Variants in SUSD1 observed in about 807,000 individuals in gnomAD.
SUSD1 encodes sushi domain-containing protein 1.
In SUSD1, 65 loss-of-function variants were observed where a neutral mutation model predicts 86.9. That is an observed-to-expected ratio of 0.75 (90% CI 0.61 to 0.92). SUSD1 has a LOEUF of 0.92. SUSD1 is among the 40% of genes least tolerant of loss of function. The probability of loss-of-function intolerance (pLI) is 0.00; values close to 1 mark genes in which losing one functional copy is unlikely to be tolerated. For missense variants in SUSD1, 850 were observed against 929.7 expected (o/e 0.91, Z 1.11); for synonymous variants, 346 against 350.0 (o/e 0.99, Z 0.13).
chr9:112,165,044 T>C (rs1348956990), intron 1 of SUSD1, among the ~76,000 whole-genome samples: 1 of 152,266 alleles, frequency 6.6e-6, no homozygotes, highest in Admixed American at 6.5e-5. Flanking sequence ...GGAGGAGCCC[T>C]ATATTTTGGA....
At chr9:112,129,687 T>C (rs1160679821) in intron 5 of SUSD1, among the ~76,000 whole-genome samples, 1 of 152,230 alleles carries the variant, frequency 6.6e-6, no homozygotes, top group Non-Finnish European at 1.5e-5. Flanking sequence ...AGATTTAGTG[T>C]CTTTTTATGA....
intron 12 of SUSD1, 25 bp from the exon 13 acceptor site, chr9:112,063,058 A>G: frequency 6.9e-7 from 1 of 1,458,754 alleles, no homozygotes; most frequent in Middle Eastern, 1.7e-4. Context: ...AAAAGAAGAA[A>G]AGGGGTATGA....
At chr9:112,056,241 T>C (rs1371135456) in intron 14 of SUSD1, among the ~76,000 whole-genome samples, 3 of 151,620 alleles carry the variant, frequency 2.0e-5, no homozygotes, top group Non-Finnish European at 4.4e-5. Context: ...CACTCCAGCC[T>C]GGGCAACAGA....
At chr9:112,152,751 C>CTTTTTTTTTTTTTTTTTTTTTTTTTT (rs71382410) in intron 2 of SUSD1, among the ~76,000 whole-genome samples, 1 of 87,478 alleles carries the variant, frequency 1.1e-5, no homozygotes, top group Non-Finnish European at 2.1e-5. Context: ...TTTTTTTAAT[C>CTTTTTTTTTTTTTTTTTTTTTTTTTT]TTTTTTTTTT....
chr9:112,061,618 A>G (rs1828729322), intron 13 of SUSD1, among the ~76,000 whole-genome samples: 1 of 152,206 alleles, frequency 6.6e-6, no homozygotes, highest in African/African-American at 2.4e-5. Flanking sequence ...TCTCTTTATA[A>G]TGACAGAATT....
intron 14 of SUSD1, among the ~76,000 whole-genome samples, chr9:112,058,171 T>A (rs970913274): frequency 6.8e-6 from 1 of 147,986 alleles, no homozygotes; most frequent in Non-Finnish European, 1.5e-5. Context: ...AATGAGGGCA[T>A]CTGTAAAGCT....
intron 8 of SUSD1, among the ~76,000 whole-genome samples, chr9:112,107,254 C>CAAAAAAAAAAAAAAAAAA (rs71382407): frequency 4.1e-4 from 27 of 66,012 alleles, no homozygotes; most frequent in African/African-American, 5.8e-4. Flanking sequence ...GACCATATCT[C>CAAAAAAAAAAAAAAAAAA]AAAAAAAAAA....
rs771459525 is a variant in SUSD1, at chr9:112,143,631, C to A, written c.374-8G>T. ...CTTCACACTCATCTATGTCTTGGGA[C>A]CCAATCCAAATAGAGAAAAGGAGAT... On this transcript the variant is annotated splice_polypyrimidine_tract_variant and splice_region_variant and intron_variant, in intron 3 of 16. Coordinates refer to ENST00000374270, the MANE Select transcript of SUSD1 (RefSeq NM_022486.5). The A allele has an allele frequency of 1.6e-5, 26 of 1,598,272 alleles. No individual in the cohort carries two copies. The highest frequency in any genetic ancestry group is 2.0e-5 in the Non-Finnish European group (24 of 1,174,094).
intron 9 of SUSD1, 47 bp downstream of exon 9, chr9:112,102,129 T>A: frequency 8.4e-7 from 1 of 1,185,696 alleles, no homozygotes; most frequent in Non-Finnish European, 1.2e-6. Flanking sequence ...CGCCCAAATT[T>A]TTAAATGACA....
intron 5 of SUSD1, among the ~76,000 whole-genome samples, chr9:112,140,513 C>CA (rs200242915): frequency 0.062 from 6,520 of 105,322 alleles, 278 homozygotes; most frequent in East Asian, 0.26. Flanking sequence ...GACTCTGTCT[C>CA]AAAAAAAAAA....
Position 112,098,626 on chromosome 9 carries a change from A to T in SUSD1, c.1318T>A (p.Phe440Ile). The change falls in exon 10 of 17, where the codon TTT (phenylalanine) becomes ATT (isoleucine). Residue 440 changes from phenylalanine to isoleucine, a missense_variant. Physicochemically the swap from Phe to Ile is conservative, Grantham distance 21 (BLOSUM62 0). Transcript: ENST00000374270. ...VLGQRWYLAN[F>I]SHATSFNFTT... ...AAGTTAAACGATGTTGCATGAGAAAAGTTAGCCAGATACCACCTCTGACCC... is the reference window on the plus strand; with the variant it reads ...AAGTTAAACGATGTTGCATGAGAAATGTTAGCCAGATACCACCTCTGACCC... The T allele has an allele frequency of 6.2e-7, 1 of 1,614,184 alleles. No homozygotes were observed. The highest frequency in any genetic ancestry group is 8.5e-7 in the Non-Finnish European group (1 of 1,180,014).
chr9:112,136,118 C>A (rs1372929504), intron 5 of SUSD1, among the ~76,000 whole-genome samples: 1 of 152,210 alleles, frequency 6.6e-6, no homozygotes, highest in Non-Finnish European at 1.5e-5. Context: ...TGTAACCCAA[C>A]AGAGCTGTTG....
intron 8 of SUSD1, among the ~76,000 whole-genome samples, chr9:112,104,406 GTAA>G (rs755836796): frequency 6.6e-6 from 1 of 151,432 alleles, no homozygotes; most frequent in Non-Finnish European, 1.5e-5. Flanking sequence ...AATAATAATA[GTAA>G]TAATAATAAT....
At chr9:112,163,431 T>C (rs1833651989) in intron 1 of SUSD1, among the ~76,000 whole-genome samples, 1 of 150,946 alleles carries the variant, frequency 6.6e-6, no homozygotes, top group African/African-American at 2.4e-5. Context: ...CCTACCAAAG[T>C]GCCAGCCTGA....
intron 2 of SUSD1, 46 bp downstream of exon 2, chr9:112,157,454 G>T: frequency 1.5e-6 from 2 of 1,356,358 alleles, no homozygotes; most frequent in Non-Finnish European, 2.1e-6. Context: ...AGAGAATCTT[G>T]TTTCTCGATT....
intron 12 of SUSD1, among the ~76,000 whole-genome samples, chr9:112,066,861 A>G (rs1279091894): frequency 6.6e-6 from 1 of 151,682 alleles, no homozygotes; most frequent in Non-Finnish European, 1.5e-5. Flanking sequence ...AGGAGATTGG[A>G]GGTTTTATTT....
chr9:112,119,022 A>T (rs917229257), intron 6 of SUSD1, among the ~76,000 whole-genome samples: 4 of 152,176 alleles, frequency 2.6e-5, no homozygotes, highest in African/African-American at 9.6e-5. Flanking sequence ...TAGGAGAAAG[A>T]ATGTGGTCTT....
chr9:112,054,586 CAAA>C (rs879376406), intron 14 of SUSD1, among the ~76,000 whole-genome samples: 1 of 126,798 alleles, frequency 7.9e-6, no homozygotes, highest in African/African-American at 2.9e-5. Flanking sequence ...AACACTGTCT[CAAA>C]AAAAAAAAAA....
At chr9:112,142,104 A>T (rs1832602242) in intron 5 of SUSD1, among the ~76,000 whole-genome samples, 2 of 151,884 alleles carry the variant, frequency 1.3e-5, no homozygotes, top group South Asian at 2.1e-4. Flanking sequence ...TAACTATTAT[A>T]AAGAAAGAAA....
Sources: gnomAD v4.1 joint callset for allele counts (sites outside exome capture counted in the v4.1 genomes callset) on GRCh38, gnomAD v4.1.1 for gene constraint, MANE v1.5 for transcripts, NCBI Gene and HGNC (gene_info 2026-07-23, HGNC 2026-07-21) for gene names.